The following MYO18B variants were observed in gnomAD, a reference collection of about 807,000 sequenced individuals.
MYO18B encodes myosin XVIIIB.
Under a neutral mutation model 273.0 loss-of-function variants are expected in MYO18B, and 204 were observed. That is an observed-to-expected ratio of 0.75 (90% confidence interval 0.67 to 0.84). The LOEUF (loss-of-function observed/expected upper bound fraction) is 0.84, where lower values mean the gene tolerates loss of function less well. Ranked by LOEUF, MYO18B falls within the 40% of genes least tolerant of loss-of-function variation. MYO18B has a pLI of 0.00. For missense variants in MYO18B, 3,212 were observed against 3,287.6 expected (o/e 0.98, Z 0.56); for synonymous variants, 1,330 against 1,305.7 (o/e 1.02, Z -0.40).
At chr22:25,779,597 G>C (rs5752204) in intron 8 of MYO18B, among the ~76,000 whole-genome samples, 19,629 of 152,224 alleles carry the variant, frequency 0.13, 3,320 homozygotes, top group African/African-American at 0.39. Flanking sequence ...AGGCTGTATC[G>C]AGGTGCTTAG....
chr22:25,997,416 G>T (rs937530485), intron 40 of MYO18B, among the ~76,000 whole-genome samples: 1 of 150,546 alleles, frequency 6.6e-6, no homozygotes, highest in Non-Finnish European at 1.5e-5. Flanking sequence ...AAACCAAAAT[G>T]CAGGCCCTTC....
chr22:25,825,054 C>T (rs562718749), intron 13 of MYO18B, among the ~76,000 whole-genome samples: 1 of 152,292 alleles, frequency 6.6e-6, no homozygotes, highest in African/African-American at 2.4e-5. Context: ...TACAACTACA[C>T]ACACACGCAT....
chr22:25,988,579 A>T (rs1299545712), intron 39 of MYO18B, among the ~76,000 whole-genome samples: 2 of 152,038 alleles, frequency 1.3e-5, no homozygotes, highest in Middle Eastern at 3.4e-3. Context: ...TGTTTTTTTC[A>T]TGTCTTTTCT....
chr22:25,846,129 G>A lies in MYO18B; in HGVS notation c.3398G>A (p.Arg1133Gln), dbSNP rs35252978. 1,306 of 1,593,546 alleles carry A rather than the reference G, an allele frequency of 8.2e-4. 8 individuals are homozygous for A. In the African/African-American group the frequency reaches 0.015, roughly 18 times the overall value. The change falls in exon 19 of 44, where the codon CGG becomes CAG. Residue 1133 changes from arginine to glutamine, a missense_variant. Physicochemically the swap from Arg to Gln is conservative, Grantham distance 43 (BLOSUM62 1). Coordinates refer to ENST00000335473, the MANE Select transcript of MYO18B (RefSeq NM_032608.7). ...GAGCTGCGGAGTCTATTCCAGGCCCGGGCCAAGCTGCCTCCTGTGTGCCGG... is the reference window on the plus strand; with the variant it reads ...GAGCTGCGGAGTCTATTCCAGGCCCAGGCCAAGCTGCCTCCTGTGTGCCGG... Reference protein sequence around the residue: ...REELRSLFQARAKLPPVCRAV... With the variant: ...REELRSLFQAQAKLPPVCRAV...
intron 11 of MYO18B, among the ~76,000 whole-genome samples, chr22:25,795,747 T>C (rs569818990): frequency 3.3e-5 from 5 of 152,314 alleles, no homozygotes; most frequent in Admixed American, 6.5e-5. Context: ...TGCTATTAAC[T>C]GAAATGTTTC....
chr22:26,051,216 C>CTTTTTTT, the MYO18B span, among the ~76,000 whole-genome samples: 7 of 92,602 alleles, frequency 7.6e-5, no homozygotes, highest in African/African-American at 9.6e-5. Context: ...TAATTGGTCC[C>CTTTTTTT]TTTTTTTTTT....
intron 11 of MYO18B, among the ~76,000 whole-genome samples, chr22:25,796,300 G>A (rs946232557): frequency 6.6e-6 from 1 of 152,038 alleles, no homozygotes; most frequent in Non-Finnish European, 1.5e-5. Flanking sequence ...AAAATCTTTG[G>A]CAGGCTGGGT....
intron 39 of MYO18B, among the ~76,000 whole-genome samples, chr22:25,991,829 G>A (rs950810130): frequency 2.0e-5 from 3 of 152,206 alleles, no homozygotes; most frequent in Non-Finnish European, 2.9e-5. Flanking sequence ...GCGCTTGCCT[G>A]TTCTGGAGGG....
chr22:26,047,572 AAGAT>A, the MYO18B span, among the ~76,000 whole-genome samples: 2 of 152,192 alleles, frequency 1.3e-5, no homozygotes, highest in Admixed American at 1.3e-4. Flanking sequence ...GTTGTCCAAT[AAGAT>A]AGCCACTAGC....
intron 34 of MYO18B, among the ~76,000 whole-genome samples, chr22:25,934,721 A>C (rs1374882182): frequency 6.6e-6 from 1 of 152,166 alleles, no homozygotes; most frequent in East Asian, 1.9e-4. Context: ...AAATGGTTGC[A>C]TTCTTTTGAG....
the MYO18B span, among the ~76,000 whole-genome samples, chr22:26,049,043 A>G: frequency 6.6e-6 from 1 of 152,198 alleles, no homozygotes; most frequent in Non-Finnish European, 1.5e-5. Context: ...AAACCTGCGC[A>G]TGTACACCTG....
At chr22:25,918,914 G>T (rs574088803) in intron 33 of MYO18B, among the ~76,000 whole-genome samples, 1 of 152,252 alleles carries the variant, frequency 6.6e-6, no homozygotes, top group East Asian at 1.9e-4. Flanking sequence ...TCCTAATGCT[G>T]AGCTGTCTGG....
chr22:25,851,903 CA>C (rs1184073669), intron 21 of MYO18B, among the ~76,000 whole-genome samples: 1 of 152,184 alleles, frequency 6.6e-6, no homozygotes, highest in Non-Finnish European at 1.5e-5. Context: ...ACCAAACCCC[CA>C]CAACAATGTC....
Position 25,994,055 on chromosome 22 carries a change from C to T in MYO18B, c.6287+1562C>T, listed in dbSNP as rs144822714. 2.8e-4 allele frequency among the ~76,000 whole-genome samples: 43 copies of T among 152,314 alleles called. No homozygotes were observed. In the East Asian group the frequency reaches 4.2e-3, roughly 15 times the overall value. ...CCTAATTTTAGAATGCGCATAACCT[C>T]CTCCCTTAATGCAGTCCTGGGCTGG... On this transcript the variant is annotated intron_variant, in intron 40 of 43. Transcript: ENST00000335473.
intron 7 of MYO18B, 72 bp from the exon 8 acceptor site, chr22:25,777,511 C>CG: frequency 7.2e-7 from 1 of 1,391,754 alleles, no homozygotes; most frequent in East Asian, 2.5e-5. Flanking sequence ...AGGCCTGGGG[C>CG]GGGGCGCTGT....
intron 34 of MYO18B, among the ~76,000 whole-genome samples, chr22:25,935,825 G>A (rs1029920883): frequency 1.3e-5 from 2 of 152,168 alleles, no homozygotes; most frequent in Non-Finnish European, 2.9e-5. Flanking sequence ...GGACACTGTG[G>A]GTATCTGGGT....
intron 39 of MYO18B, among the ~76,000 whole-genome samples, chr22:25,974,796 A>C (rs2146754790): frequency 6.6e-6 from 1 of 152,330 alleles, no homozygotes; most frequent in South Asian, 2.1e-4. Context: ...ATGGTTCCAA[A>C]GGGTCCCATT....
downstream of MYO18B, among the ~76,000 whole-genome samples, chr22:26,034,368 T>C (rs1175703492): frequency 6.6e-6 from 1 of 152,238 alleles, no homozygotes; most frequent in Non-Finnish European, 1.5e-5. Context: ...AGAGTCTCTC[T>C]CTGTGTGACC....
chr22:26,030,257 A>T (rs1217306786), intron 43 of MYO18B, among the ~76,000 whole-genome samples, 186 bp from the exon 44 acceptor site: 2 of 152,154 alleles, frequency 1.3e-5, no homozygotes, highest in Non-Finnish European at 2.9e-5. Context: ...TGCACCTGTA[A>T]TCCTAGCTAC....
Sources: allele counts gnomAD v4.1 joint callset (sites outside exome capture counted in the v4.1 genomes callset), GRCh38; gene constraint gnomAD v4.1.1; transcripts MANE v1.5; gene names NCBI Gene and HGNC (gene_info 2026-07-23, HGNC 2026-07-21).